Variants in NSFL1C observed in about 807,000 individuals in gnomAD.
NSFL1C encodes NSFL1 cofactor p47.
In NSFL1C, 14 loss-of-function variants were observed where a neutral mutation model predicts 43.1. That is an observed-to-expected ratio of 0.32 (90% CI 0.21 to 0.51). The LOEUF (loss-of-function observed/expected upper bound fraction) is 0.51, where lower values mean the gene tolerates loss of function less well. Ranked by LOEUF, NSFL1C falls within the 20% of genes least tolerant of loss-of-function variation. NSFL1C has a pLI of 0.98. For missense variants in NSFL1C, 406 were observed against 472.5 expected (o/e 0.86, Z 1.30); for synonymous variants, 171 against 183.5 (o/e 0.93, Z 0.55).
rs556634601 is a variant in NSFL1C at position 1,447,149 on chromosome 20, C to A, written c.786-1319G>T. Reference sequence around the variant, plus strand: ...AAGTAGAGCTCAGAGGAGAATGTCACCCACATTACTAGCACTAGAGAAGCT... The same window carrying A: ...AAGTAGAGCTCAGAGGAGAATGTCAACCACATTACTAGCACTAGAGAAGCT... On this transcript the variant is annotated intron_variant, in intron 7 of 8. Transcript: ENST00000216879. Among the ~76,000 whole-genome samples, 11 of 152,302 alleles carry A rather than the reference C, an allele frequency of 7.2e-5. No individual in the cohort carries two copies. In the East Asian group the frequency reaches 2.1e-3, roughly 29 times the overall value.
At position 1,445,800 on chromosome 20, in the gene NSFL1C, A is replaced by G; in HGVS notation, c.816T>C (p.Ser272=). ...CTTCATTTTCTGCCTGTTGGGCTGG[A>G]GAGCTGGTACTCAACACCTGGGGGG... is the stretch of plus-strand genomic sequence containing the variant. ...STAPQVLSTS[S]PAQQAENEAK... The change falls in exon 8 of 9, where the codon TCT becomes TCC. Residue 272 remains serine, a synonymous_variant. Coordinates refer to ENST00000216879, the MANE Select transcript of NSFL1C (RefSeq NM_016143.5). 1 of 1,613,998 alleles carries G rather than the reference A, an allele frequency of 6.2e-7. No homozygotes were observed.
At chr20:1,466,669 C>T in intron 1 of NSFL1C, 51 bp downstream of exon 1, 1 of 1,495,830 alleles carries the variant, frequency 6.7e-7, no homozygotes. Flanking sequence ...ACCAGGCGCC[C>T]GCTCCCAGCA....
intron 7 of NSFL1C, among the ~76,000 whole-genome samples, chr20:1,451,895 G>C (rs766131888): frequency 1.3e-5 from 2 of 152,220 alleles, no homozygotes; most frequent in Non-Finnish European, 2.9e-5. Context: ...TGAGTGTCAG[G>C]AAGGGCCAAA....
chr20:1,459,981 T>A (rs1170558493), intron 2 of NSFL1C, among the ~76,000 whole-genome samples: 1 of 152,266 alleles, frequency 6.6e-6, no homozygotes, highest in Non-Finnish European at 1.5e-5. Context: ...TGGCTTTGTT[T>A]CTTTCCCCCA....
At chr20:1,449,035 G>C (rs926724398) in intron 7 of NSFL1C, among the ~76,000 whole-genome samples, 11 of 152,166 alleles carry the variant, frequency 7.2e-5, no homozygotes, top group Admixed American at 7.2e-4. Flanking sequence ...TGTCTATGTG[G>C]CTATGCAAGA....
At chr20:1,461,068 G>A (rs543318688) in intron 2 of NSFL1C, among the ~76,000 whole-genome samples, 38 of 152,242 alleles carry the variant, frequency 2.5e-4, no homozygotes, top group African/African-American at 7.5e-4. Flanking sequence ...CCAGCGAAAT[G>A]GTAAGCACCT....
Position 1,458,206 on chromosome 20 carries a change from C to T in NSFL1C, c.272G>A (p.Gly91Asp). Residue 91 changes from glycine to aspartate, a missense_variant, in exon 3 of 9, where the codon GGC becomes GAC. Physicochemically the swap from Gly to Asp is moderately conservative, Grantham distance 94. This residue lies in a region of NSFL1C where 203 missense variants were observed against 216.3 expected (regional missense o/e 0.94). Coordinates refer to ENST00000216879, the MANE Select transcript of NSFL1C (RefSeq NM_016143.5). ...CCCCCTCTAGAAGACTCACCTCTGG[C>T]CTTCCTCTTCCTCCTCATCTTCATC... ...DQDEDEEEEE[G>D]QRFYAGGSER... 1 of 1,613,506 alleles carries T rather than the reference C, an allele frequency of 6.2e-7. No homozygotes were observed. Among genetic ancestry groups the T allele is most frequent in the Non-Finnish European group, 8.5e-7 (1 of 1,179,496 alleles).
At chr20:1,458,441 T>A (rs1353146994) in intron 2 of NSFL1C, among the ~76,000 whole-genome samples, 167 bp from the exon 3 acceptor site, 8 of 152,156 alleles carry the variant, frequency 5.3e-5, no homozygotes, top group Non-Finnish European at 1.2e-4. Flanking sequence ...TAAAATAATG[T>A]GGCATTTATT....
At chr20:1,459,809 T>A (rs1355076769) in intron 2 of NSFL1C, among the ~76,000 whole-genome samples, 5 of 152,334 alleles carry the variant, frequency 3.3e-5, no homozygotes, top group Admixed American at 2.0e-4. Context: ...TTCCACTCAT[T>A]CATCTTCCCA....
chr20:1,444,311 A>T (rs1358054940), intron 8 of NSFL1C, among the ~76,000 whole-genome samples: 1 of 152,200 alleles, frequency 6.6e-6, no homozygotes, highest in African/African-American at 2.4e-5. Context: ...CTCCTCAGGA[A>T]AGCCCTCCTT....
chr20:1,443,085 G>A lies in NSFL1C; in HGVS notation c.*664C>T. On this transcript the variant is annotated 3_prime_UTR_variant, in exon 9 of 9. Transcript: ENST00000216879. ...TGGTAATGGAGGAAAGGGCCAGGCA[G>A]GCAGGTGGAACAGAATCTCAACTGG... 6.6e-6 allele frequency: 1 copy of A among 152,314 alleles called. No homozygotes were observed. Among genetic ancestry groups the A allele is most frequent in the Non-Finnish European group, 1.5e-5 (1 of 68,112 alleles). The allele number at this position is 152,314 out of a possible 1,614,324, so 9.4% of individuals were successfully genotyped here. A position where few individuals can be genotyped will look rare whatever the true frequency, so the allele number is the denominator to read the frequency against.
chr20:1,466,587 G>T, intron 1 of NSFL1C, 133 bp downstream of exon 1: 1 of 800,458 alleles, frequency 1.2e-6, no homozygotes, highest in Non-Finnish European at 1.9e-6. Flanking sequence ...GCGGTCCCGG[G>T]ACCATGAGGC....
intron 7 of NSFL1C, 82 bp downstream of exon 7, chr20:1,452,411 C>T (rs2090199674): frequency 2.6e-6 from 4 of 1,533,566 alleles, no homozygotes; most frequent in African/African-American, 1.4e-5. Flanking sequence ...GAGCTAATAA[C>T]CAAAGTGAGT....
In NSFL1C at chr20:1,466,048, A is replaced by G. The variant is rs116832887; in HGVS notation, c.105+672T>C. Among the ~76,000 whole-genome samples, 628 of 152,276 alleles carry G rather than the reference A, an allele frequency of 4.1e-3. 3 individuals carry two copies. The highest frequency in any genetic ancestry group is 0.014 in the African/African-American group (568 of 41,556). On this transcript the variant is annotated intron_variant, in intron 1 of 8. Coordinates refer to ENST00000216879, the MANE Select transcript of NSFL1C (RefSeq NM_016143.5). ...AATTCTTTCTACAGTTAATTACCGA[A>G]TGCTTATTATGTGCCAGGCATTGTT...
chr20:1,454,652 C>A (rs896424549), intron 4 of NSFL1C, among the ~76,000 whole-genome samples: 2 of 152,188 alleles, frequency 1.3e-5, no homozygotes, highest in Admixed American at 6.5e-5. Context: ...AGACAGAAAT[C>A]CCGATTTTAT....
chr20:1,460,297 T>C (rs1363152602), intron 2 of NSFL1C, among the ~76,000 whole-genome samples: 1 of 152,164 alleles, frequency 6.6e-6, no homozygotes, highest in Non-Finnish European at 1.5e-5. Flanking sequence ...AGTGAACCTG[T>C]CAGAAATGCA....
chr20:1,458,376 G>A lies in NSFL1C; in HGVS notation c.204-102C>T, dbSNP rs1168432866. ...GTGAAGACACTGAGGTTACATTTTT[G>A]GTAGGCGAGAGGAGGACGTTATGTG... On this transcript the variant is annotated intron_variant, in intron 2 of 8. Transcript: ENST00000216879. 10 of 913,918 alleles carry A rather than the reference G, an allele frequency of 1.1e-5. No individual in the cohort carries two copies. In the African/African-American group the frequency reaches 1.5e-4, roughly 13 times the overall value. The allele number at this position is 913,918 out of a possible 1,614,324, so 56.6% of individuals were successfully genotyped here.
intron 3 of NSFL1C, chr20:1,456,402 G>T (rs1046320415): frequency 6.6e-6 from 1 of 152,280 alleles, no homozygotes; most frequent in African/African-American, 2.4e-5. Context: ...TATCTAAAAG[G>T]AAGGTTTTGA....
At chr20:1,462,890 G>A (rs1008738912) in intron 2 of NSFL1C, among the ~76,000 whole-genome samples, 1 of 152,144 alleles carries the variant, frequency 6.6e-6, no homozygotes, top group East Asian at 1.9e-4. Context: ...GGTCAATTGA[G>A]AATGAATGCT....
Sources: gnomAD v4.1 joint callset for allele counts (sites outside exome capture counted in the v4.1 genomes callset) on GRCh38, gnomAD v4.1.1 for gene constraint, gnomAD v4.1.1 regional missense constraint, MANE v1.5 for transcripts, NCBI Gene and HGNC (gene_info 2026-07-23, HGNC 2026-07-21) for gene names.